KAZN: variants seen among roughly 807,000 people sequenced by gnomAD.
KAZN encodes kazrin.
In KAZN, 40 loss-of-function variants were observed where a neutral mutation model predicts 87.4. The observed-to-expected ratio is 0.46, with a 90% CI of 0.36 to 0.60. KAZN has a LOEUF of 0.60. KAZN is among the 20% of genes least tolerant of loss of function. KAZN has a pLI of 0.00. For missense variants in KAZN, 898 were observed against 1,073.9 expected, an observed-to-expected ratio of 0.84 and a Z score of 2.29; for synonymous variants, 466 against 458.3, an observed-to-expected ratio of 1.02 and a Z score of -0.22.
chr1:14,221,586 A>C (rs1360722159), intron 2 of KAZN, among the ~76,000 whole-genome samples: 1 of 152,108 alleles, frequency 6.6e-6, no homozygotes, highest in Non-Finnish European at 1.5e-5. Context: ...GCCAGCTAGA[A>C]TTATTTTCTG....
At chr1:14,542,657 G>T (rs978567202) in intron 2 of KAZN, among the ~76,000 whole-genome samples, 1 of 152,142 alleles carries the variant, frequency 6.6e-6, no homozygotes, top group Non-Finnish European at 1.5e-5. Context: ...CGTCACCCTG[G>T]TAGTGAGCAT....
At chr1:14,358,844 T>C (rs571765456) in intron 2 of KAZN, among the ~76,000 whole-genome samples, 208 of 152,252 alleles carry the variant, frequency 1.4e-3, no homozygotes, top group African/African-American at 4.8e-3. Context: ...TTACTTCCAA[T>C]TATGTGGTCA....
intron 1 of KAZN, chr1:14,945,952 G>A: frequency 1.0e-6 from 1 of 983,814 alleles, no homozygotes; most frequent in Non-Finnish European, 1.2e-6. Flanking sequence ...TTGACGGAGG[G>A]CTCATGGGTG....
intron 2 of KAZN, among the ~76,000 whole-genome samples, chr1:14,998,797 A>G (rs6665119): frequency 0.46 from 69,447 of 151,928 alleles, 20,855 homozygotes; most frequent in African/African-American, 0.86. Flanking sequence ...TGACCTGCCC[A>G]CCTCGACCTC....
intron 1 of KAZN, among the ~76,000 whole-genome samples, chr1:14,030,539 C>T (rs2101326785): frequency 6.6e-6 from 1 of 151,802 alleles, no homozygotes; most frequent in South Asian, 2.1e-4. Context: ...ATGTAACTAA[C>T]CCGCACAATG....
intron 5 of KAZN, among the ~76,000 whole-genome samples, chr1:15,057,174 G>A (rs1419541408): frequency 6.6e-6 from 1 of 152,222 alleles, no homozygotes. Flanking sequence ...TGAGTCATTG[G>A]GACGAAGGGG....
chr1:14,391,746 G>A (rs139338115), intron 2 of KAZN, among the ~76,000 whole-genome samples: 11 of 152,332 alleles, frequency 7.2e-5, no homozygotes, highest in African/African-American at 2.6e-4. Context: ...TGACGTCTCA[G>A]TAAGATTCAG....
intron 1 of KAZN, among the ~76,000 whole-genome samples, chr1:14,702,663 C>T (rs1641998847): frequency 2.0e-5 from 3 of 152,148 alleles, no homozygotes; most frequent in African/African-American, 2.4e-5. Flanking sequence ...GGTGATACAC[C>T]GAACTCAACT....
At chr1:13,937,529 TTAAG>T (rs1640784589) in intron 1 of KAZN, among the ~76,000 whole-genome samples, 1 of 152,196 alleles carries the variant, frequency 6.6e-6, no homozygotes, top group Non-Finnish European at 1.5e-5. Context: ...TTTAGTTTAA[TTAAG>T]TCTCATTTGT....
intron 8 of KAZN, among the ~76,000 whole-genome samples, chr1:15,090,429 G>A (rs1406283876): frequency 6.6e-6 from 1 of 152,232 alleles, no homozygotes; most frequent in Non-Finnish European, 1.5e-5. Flanking sequence ...AGAATTTGGA[G>A]TCCTGTGCCT....
intron 2 of KAZN, among the ~76,000 whole-genome samples, chr1:14,468,435 G>A (rs1210896514): frequency 6.6e-6 from 1 of 152,122 alleles, no homozygotes; most frequent in Non-Finnish European, 1.5e-5. Context: ...TGAAGATGAG[G>A]AGACTGAGGC....
At chr1:14,067,388 T>C (rs1348508986) in intron 1 of KAZN, among the ~76,000 whole-genome samples, 1 of 152,192 alleles carries the variant, frequency 6.6e-6, no homozygotes, top group African/African-American at 2.4e-5. Flanking sequence ...CTGGAGAGAC[T>C]AAAGCTTTGA....
intron 1 of KAZN, among the ~76,000 whole-genome samples, chr1:14,832,850 T>C (rs1647090640): frequency 6.6e-6 from 1 of 152,160 alleles, no homozygotes; most frequent in Non-Finnish European, 1.5e-5. Flanking sequence ...GAAAGTTACA[T>C]GAAATTCACG....
At chr1:15,038,488 T>A (rs1672559755) in intron 3 of KAZN, among the ~76,000 whole-genome samples, 1 of 152,202 alleles carries the variant, frequency 6.6e-6, no homozygotes. Context: ...AGACGTTTGT[T>A]GTGCATCTGC....
intron 1 of KAZN, among the ~76,000 whole-genome samples, chr1:14,646,555 C>G (rs968689594): frequency 6.6e-6 from 1 of 152,106 alleles, no homozygotes; most frequent in Non-Finnish European, 1.5e-5. Flanking sequence ...TTTCTCAAAC[C>G]CTGGCACTGC....
chr1:14,419,714 G>A (rs1034621845), intron 2 of KAZN, among the ~76,000 whole-genome samples: 1 of 152,112 alleles, frequency 6.6e-6, no homozygotes, highest in Admixed American at 6.5e-5. Flanking sequence ...CAAGAGTGAA[G>A]CCGCAGACCT....
chr1:14,542,352 A>G (rs1457615634), intron 2 of KAZN, among the ~76,000 whole-genome samples: 1 of 151,690 alleles, frequency 6.6e-6, no homozygotes, highest in East Asian at 1.9e-4. Flanking sequence ...CTAAATGACC[A>G]GTTAATGGGT....
At chr1:14,293,548 C>G (rs1653881291) in intron 2 of KAZN, among the ~76,000 whole-genome samples, 2 of 152,108 alleles carry the variant, frequency 1.3e-5, no homozygotes, top group Non-Finnish European at 2.9e-5. Context: ...GACATTGTGC[C>G]TTTCCTTCTT....
chr1:14,252,648 C>T (rs1284155103), intron 2 of KAZN, among the ~76,000 whole-genome samples: 1 of 152,184 alleles, frequency 6.6e-6, no homozygotes, highest in Non-Finnish European at 1.5e-5. Flanking sequence ...CCATATAGCT[C>T]TTAGGAGGAT....
Sources: allele counts gnomAD v4.1 joint callset (sites outside exome capture counted in the v4.1 genomes callset), GRCh38; gene constraint gnomAD v4.1.1; transcripts MANE v1.5; gene names NCBI Gene and HGNC (gene_info 2026-07-23, HGNC 2026-07-21).